SRBD1: variants seen among roughly 807,000 people sequenced by gnomAD.
SRBD1 encodes the protein S1 RNA binding domain 1.
Under a neutral mutation model 115.3 loss-of-function variants are expected in SRBD1, and 88 were observed. The ratio of observed to expected loss-of-function variants is 0.76; its 90% confidence interval spans 0.64 to 0.91. The LOEUF (loss-of-function observed/expected upper bound fraction) is 0.91. SRBD1 is among the 40% of genes least tolerant of loss of function. SRBD1 has a pLI of 0.00. For synonymous variants in SRBD1, 509 were observed against 407.7 expected (o/e 1.25, Z -2.99); for missense variants, 1,385 against 1,177.4 (o/e 1.18, Z -2.58).
rs1672377477 is a variant in SRBD1 at position 45,553,707 on chromosome 2, C to T, written c.1433G>A (p.Arg478Lys). 2 of 1,602,812 alleles carry T rather than the reference C, an allele frequency of 1.2e-6. No individual in the cohort carries two copies. The highest frequency in any genetic ancestry group is 2.2e-5 in the East Asian group (1 of 44,582). The change falls in exon 11 of 21, where the codon AGG becomes AAG. Residue 478 changes from arginine (R) to lysine (K), a missense_variant. Arg to Lys is a conservative substitution (Grantham distance 26, BLOSUM62 2). Transcript: ENST00000263736. ...QNRWRPRSFARPELMKILYNS... is the reference protein window; with the variant it reads ...QNRWRPRSFAKPELMKILYNS... ...ATATAAGATCTTCATTAACTCTGGC[C>T]TTGCAAAGCTACGTGGTCTCCACCT...
rs1667943763 is a variant in SRBD1 at position 45,419,826 on chromosome 2, C to T, written c.2118G>A (p.Val706=). The T allele has an allele frequency of 1.9e-6, 3 of 1,613,850 alleles. No individual in the cohort carries two copies. The highest frequency in any genetic ancestry group is 2.5e-6 in the Non-Finnish European group (3 of 1,179,854). ...DSVVEECVSF[V]GVDINICSEV... is the part of the protein sequence containing the mutation. ...CTGAACAGATGTTAATATCCACTCC[C>T]ACAAAGCTGACACATTCTTCTACAA... Residue 706 remains valine, a synonymous_variant, in exon 17 of 21, where the codon GTG becomes GTA. Transcript: ENST00000263736.
chr2:45,579,656 A>G (rs1444248028), intron 7 of SRBD1, among the ~76,000 whole-genome samples: 1 of 152,042 alleles, frequency 6.6e-6, no homozygotes, highest in African/African-American at 2.4e-5. Flanking sequence ...GAACAATACA[A>G]TAGAAAAACG....
intron 16 of SRBD1, among the ~76,000 whole-genome samples, chr2:45,469,960 T>G (rs1669597980): frequency 6.6e-6 from 1 of 152,210 alleles, no homozygotes; most frequent in Admixed American, 6.5e-5. Context: ...TTAGAACAAT[T>G]TCCTCTGTTT....
Position 45,477,001 on chromosome 2 carries a change from T to C in SRBD1, c.2041A>G (p.Met681Val), listed in dbSNP as rs1669823286. ...KIEPKHIGVG[M>V]YQHDVSQTLL... ...GATCCACATAGCTTTACCTGATACA[T>C]TCCAACTCCAATGTGCTTTGGCTCA... Residue 681 changes from methionine (M) to valine (V), a missense_variant, in exon 16 of 21, where the codon ATG becomes GTG. Coordinates refer to ENST00000263736, the MANE Select transcript of SRBD1 (RefSeq NM_018079.5). 6.2e-7 allele frequency: 1 copy of C among 1,613,614 alleles called. No homozygotes were observed. Among genetic ancestry groups the C allele is most frequent in the Non-Finnish European group, 8.5e-7 (1 of 1,179,786 alleles).
intron 14 of SRBD1, among the ~76,000 whole-genome samples, chr2:45,519,347 C>T (rs571231322): frequency 1.4e-3 from 206 of 152,248 alleles, no homozygotes; most frequent in African/African-American, 4.9e-3. Context: ...CAGACCCACA[C>T]ATTTCAAACT....
chr2:45,606,099 C>T (rs1209818530), intron 1 of SRBD1, among the ~76,000 whole-genome samples: 1 of 151,062 alleles, frequency 6.6e-6, no homozygotes, highest in African/African-American at 2.4e-5. Context: ...ATCAGGCAGC[C>T]CCTTACAAAG....
chr2:45,401,719 G>C (rs1667296591), intron 19 of SRBD1, among the ~76,000 whole-genome samples: 1 of 152,196 alleles, frequency 6.6e-6, no homozygotes, highest in South Asian at 2.1e-4. Context: ...AGGGAGGTGT[G>C]TTAGACATAT....
At chr2:45,413,014 C>A in intron 19 of SRBD1, 100 bp downstream of exon 19, 1 of 1,331,330 alleles carries the variant, frequency 7.5e-7, no homozygotes. Flanking sequence ...TCACATTAAA[C>A]GGTCATATTT....
intron 14 of SRBD1, among the ~76,000 whole-genome samples, chr2:45,541,304 G>C (rs549940310): frequency 3.8e-4 from 58 of 152,326 alleles, no homozygotes; most frequent in Admixed American, 9.1e-4. Context: ...TCCCAAAGAG[G>C]GTGCCATAGC....
intron 10 of SRBD1, among the ~76,000 whole-genome samples, chr2:45,556,412 T>C (rs984602760): frequency 1.4e-5 from 2 of 147,552 alleles, no homozygotes; most frequent in African/African-American, 2.5e-5. Context: ...AATATACTAG[T>C]TAAAAGTATG....
intron 14 of SRBD1, among the ~76,000 whole-genome samples, chr2:45,542,138 A>AC (rs1222082126): frequency 6.6e-6 from 1 of 151,970 alleles, no homozygotes; most frequent in Non-Finnish European, 1.5e-5. Flanking sequence ...CCATCACCCC[A>AC]CCCCAGCCTC....
chr2:45,547,227 T>C (rs750936467), intron 13 of SRBD1, among the ~76,000 whole-genome samples: 2 of 152,136 alleles, frequency 1.3e-5, no homozygotes, highest in Non-Finnish European at 1.5e-5. Context: ...ACCACATCTA[T>C]TCCTCAGATG....
chr2:45,421,545 A>C (rs970107262), intron 16 of SRBD1, among the ~76,000 whole-genome samples: 17 of 135,450 alleles, frequency 1.3e-4, no homozygotes, highest in African/African-American at 4.2e-4. Context: ...AAAAAAAAAA[A>C]GTCAGAAAAT....
At chr2:45,545,498 G>A (rs1242260354) in intron 14 of SRBD1, among the ~76,000 whole-genome samples, 2 of 151,874 alleles carry the variant, frequency 1.3e-5, no homozygotes, top group African/African-American at 4.8e-5. Flanking sequence ...ATGTATGCAA[G>A]ATATTTACAT....
At chr2:45,445,026 G>T (rs964182745) in intron 16 of SRBD1, among the ~76,000 whole-genome samples, 2 of 152,188 alleles carry the variant, frequency 1.3e-5, no homozygotes, top group African/African-American at 2.4e-5. Flanking sequence ...CAAGACAAAA[G>T]TCATCCCGAC....
At chr2:45,519,982 T>A (rs1671233011) in intron 14 of SRBD1, among the ~76,000 whole-genome samples, 1 of 152,190 alleles carries the variant, frequency 6.6e-6, no homozygotes, top group Admixed American at 6.5e-5. Flanking sequence ...CTCAGGCAGA[T>A]CAGACAGAAA....
chr2:45,580,650 C>T (rs1249970264), intron 6 of SRBD1, among the ~76,000 whole-genome samples: 28 of 146,414 alleles, frequency 1.9e-4, no homozygotes, highest in Admixed American at 1.7e-3. Flanking sequence ...TGAGCCACCG[C>T]ACCTGGCCGG....
In SRBD1 at chr2:45,419,891, C is replaced by A; in HGVS notation, c.2053G>T (p.Asp685Tyr). The change falls in exon 17 of 21, where the codon GAC (aspartate) becomes TAC (tyrosine). Residue 685 changes from aspartate to tyrosine, a missense_variant. By Grantham distance (160) the Asp-to-Tyr change is radical. Coordinates refer to ENST00000263736, the MANE Select transcript of SRBD1 (RefSeq NM_018079.5). ...KHIGVGMYQH[D>Y]VSQTLLKATL... ...GCCTTGAGTAAAGTCTGGGATACGT[C>A]ATGCTGAAAAGACAAAGATCAAATA... The A allele has an allele frequency of 6.2e-7, 1 of 1,612,562 alleles. No individual in the cohort carries two copies. The highest frequency in any genetic ancestry group is 1.1e-5 in the South Asian group (1 of 91,012).
At chr2:45,607,909 G>A (rs1297887794) in intron 1 of SRBD1, among the ~76,000 whole-genome samples, 1 of 152,128 alleles carries the variant, frequency 6.6e-6, no homozygotes, top group Non-Finnish European at 1.5e-5. Flanking sequence ...CCTCTAGGGA[G>A]GAGAATGGGA....
Sources: gnomAD v4.1 joint callset for allele counts (sites outside exome capture counted in the v4.1 genomes callset) on GRCh38, gnomAD v4.1.1 for gene constraint, MANE v1.5 for transcripts, NCBI Gene and HGNC (gene_info 2026-07-23, HGNC 2026-07-21) for gene names.